The following NALCN variants were observed in gnomAD, a reference collection of about 807,000 sequenced individuals.
NALCN encodes sodium leak channel NALCN.
NALCN carries 111 observed loss-of-function variants against 225.3 expected under a neutral mutation model. That is an observed-to-expected ratio of 0.49 (90% CI 0.42 to 0.58). The LOEUF is 0.58. Ranked by LOEUF, NALCN falls within the 20% of genes least tolerant of loss-of-function variation. The pLI is 0.00. For missense variants in NALCN, 1,378 were observed against 2,202.4 expected (o/e 0.63, Z 7.49); for synonymous variants, 764 against 769.0 (o/e 0.99, Z 0.11).
At chr13:101,115,725 G>A (rs994936597) in intron 18 of NALCN, among the ~76,000 whole-genome samples, 1 of 152,156 alleles carries the variant, frequency 6.6e-6, no homozygotes, top group African/African-American at 2.4e-5. Flanking sequence ...GTAAAGGCAA[G>A]GCTAATTTTA....
chr13:101,079,464 A>G (rs1156661368), intron 34 of NALCN, among the ~76,000 whole-genome samples: 3 of 152,138 alleles, frequency 2.0e-5, no homozygotes, highest in African/African-American at 7.2e-5. Context: ...CAACTACCTG[A>G]AATGCCCTCC....
chr13:101,202,620 C>T (rs750477282), intron 13 of NALCN, among the ~76,000 whole-genome samples: 4 of 152,122 alleles, frequency 2.6e-5, no homozygotes, highest in Non-Finnish European at 5.9e-5. Flanking sequence ...CATGGCTGCC[C>T]CTAGCCATCC....
In NALCN at chr13:101,371,759, G is replaced by C. The variant is rs541018543; in HGVS notation, c.644+4941C>G. ...AGTGGAATGAGAGTTGCTGATTAGA[G>C]CATCTGACCAGTTGGTCCACACTCT... On this transcript the variant is annotated intron_variant, in intron 6 of 43. Coordinates refer to ENST00000251127, the MANE Select transcript of NALCN (RefSeq NM_052867.4). Among the ~76,000 whole-genome samples the C allele has an allele frequency of 7.2e-5, 11 of 152,238 alleles. No homozygotes were observed. In the South Asian group the frequency reaches 2.3e-3, roughly 32 times the overall value.
At chr13:101,059,775 G>T (rs1261313889) in intron 42 of NALCN, 43 bp downstream of exon 42, 4 of 1,574,548 alleles carry the variant, frequency 2.5e-6, no homozygotes, top group Non-Finnish European at 3.5e-6. Flanking sequence ...AAAGAAAGAA[G>T]CCCACAGAGT....
intron 30 of NALCN, among the ~76,000 whole-genome samples, chr13:101,084,693 A>C (rs1594170525): frequency 6.6e-6 from 1 of 152,196 alleles, no homozygotes; most frequent in Non-Finnish European, 1.5e-5. Flanking sequence ...GCTCACAAAC[A>C]CCATCCACTG....
chr13:101,155,333 T>C (rs576654274), intron 15 of NALCN, among the ~76,000 whole-genome samples: 2 of 152,330 alleles, frequency 1.3e-5, no homozygotes, highest in African/African-American at 4.8e-5. Context: ...GGAAACCACA[T>C]TGCATTTCAT....
chr13:101,379,704 G>A (rs1022680701), intron 3 of NALCN, among the ~76,000 whole-genome samples: 9 of 151,930 alleles, frequency 5.9e-5, no homozygotes, highest in African/African-American at 1.7e-4. Flanking sequence ...CATCACACAC[G>A]GGCCTGTCAA....
intron 14 of NALCN, among the ~76,000 whole-genome samples, chr13:101,189,120 TTTAA>T (rs1190930719): frequency 2.0e-5 from 3 of 152,172 alleles, no homozygotes; most frequent in African/African-American, 7.2e-5. Context: ...ATGTGTATAG[TTTAA>T]TTGTTTTTCT....
rs1890234 is a variant in NALCN, at chr13:101,374,779, C to T, written c.644+1921G>A. Among the ~76,000 whole-genome samples the T allele has an allele frequency of 3.6e-4, 55 of 152,142 alleles. 1 individual carries two copies. The highest frequency in any genetic ancestry group is 2.8e-3 in the Admixed American group (43 of 15,294). On this transcript the variant is annotated intron_variant, in intron 6 of 43. Transcript: ENST00000251127. ...GCACATGCCTCCTGGTCTGAAAACA[C>T]GTGGAAACAAAATCTCTACCTTTTT...
chr13:101,336,304 C>T (rs1174419641), intron 7 of NALCN, among the ~76,000 whole-genome samples: 1 of 152,132 alleles, frequency 6.6e-6, no homozygotes, highest in Non-Finnish European at 1.5e-5. Flanking sequence ...ATAGTCAATA[C>T]TACCCAAATT....
At chr13:101,240,140 A>G (rs2041704738) in intron 11 of NALCN, among the ~76,000 whole-genome samples, 1 of 152,088 alleles carries the variant, frequency 6.6e-6, no homozygotes, top group Non-Finnish European at 1.5e-5. Flanking sequence ...TAGTGCTACA[A>G]ACATAAAATT....
At chr13:101,145,001 A>C in intron 15 of NALCN, 105 bp from the exon 16 acceptor site, 2 of 1,264,836 alleles carry the variant, frequency 1.6e-6, no homozygotes, top group Non-Finnish European at 2.1e-6. Flanking sequence ...ATTACATGAA[A>C]TGCCAGTAGA....
intron 1 of NALCN, among the ~76,000 whole-genome samples, chr13:101,399,375 T>C (rs1192851489): frequency 6.6e-6 from 1 of 152,178 alleles, no homozygotes; most frequent in Non-Finnish European, 1.5e-5. Flanking sequence ...AATGGATTAT[T>C]TTATGTACTT....
At chr13:101,135,639 C>A (rs886967689) in intron 17 of NALCN, among the ~76,000 whole-genome samples, 3 of 152,134 alleles carry the variant, frequency 2.0e-5, no homozygotes, top group African/African-American at 7.2e-5. Context: ...GGTGATCCGC[C>A]AGCCTTGGCC....
Position 101,181,804 on chromosome 13 carries a change from A to C in NALCN, c.1765-5430T>G, listed in dbSNP as rs543894748. Among the ~76,000 whole-genome samples, 30 of 152,234 alleles carry C rather than the reference A, an allele frequency of 2.0e-4. 1 individual carries two copies. In the South Asian group the frequency reaches 6.2e-3, roughly 32 times the overall value. On this transcript the variant is annotated intron_variant, in intron 14 of 43. Coordinates refer to ENST00000251127, the MANE Select transcript of NALCN (RefSeq NM_052867.4). ...GGCTCACTGAAATAGTAACTAGACA[A>C]GGTTAAGTGCAGTTTGACAAAATGT...
At chr13:101,239,388 C>A (rs2041678156) in intron 11 of NALCN, among the ~76,000 whole-genome samples, 1 of 151,826 alleles carries the variant, frequency 6.6e-6, no homozygotes, top group Non-Finnish European at 1.5e-5. Context: ...AAAAAAAATT[C>A]TAAAGACAAA....
intron 7 of NALCN, among the ~76,000 whole-genome samples, chr13:101,333,504 A>G (rs929796468): frequency 1.3e-5 from 2 of 152,166 alleles, no homozygotes; most frequent in Non-Finnish European, 1.5e-5. Context: ...GGGATGACCA[A>G]CTTCTTTTTC....
intron 7 of NALCN, among the ~76,000 whole-genome samples, chr13:101,332,479 A>T (rs1050065755): frequency 4.6e-5 from 7 of 151,998 alleles, no homozygotes; most frequent in African/African-American, 1.7e-4. Flanking sequence ...AGATTCCAGA[A>T]TACAACGAAC....
intron 15 of NALCN, among the ~76,000 whole-genome samples, chr13:101,175,236 A>AT (rs35230308): frequency 0.24 from 36,318 of 149,244 alleles, 5,161 homozygotes; most frequent in Non-Finnish European, 0.33. Flanking sequence ...CTTCATAACA[A>AT]TTTTTTTTTG....
Sources: gnomAD v4.1 joint callset for allele counts (sites outside exome capture counted in the v4.1 genomes callset) on GRCh38, gnomAD v4.1.1 for gene constraint, MANE v1.5 for transcripts, NCBI Gene and HGNC (gene_info 2026-07-23, HGNC 2026-07-21) for gene names.